Variants in FYCO1 observed in about 807,000 individuals in gnomAD.
FYCO1 encodes the protein FYVE and coiled-coil domain autophagy adaptor 1, also known as FYVE and coiled-coil domain-containing protein 1.
FYCO1 carries 122 observed loss-of-function variants against 165.1 expected under a neutral mutation model. The ratio of observed to expected loss-of-function variants is 0.74; its 90% confidence interval spans 0.64 to 0.86. The LOEUF (loss-of-function observed/expected upper bound fraction) is 0.86, where lower values mean the gene tolerates loss of function less well. FYCO1 is among the 40% of genes least tolerant of loss of function. The pLI is 0.00. For missense variants in FYCO1, 1,702 were observed against 1,810.3 expected, an observed-to-expected ratio of 0.94 and a Z score of 1.09; for synonymous variants, 648 against 742.5, an observed-to-expected ratio of 0.87 and a Z score of 2.07.
chr3:45,967,106 A>G lies in FYCO1; in HGVS notation c.2228T>C (p.Leu743Pro). The change falls in exon 8 of 18, where the codon CTG becomes CCG. Residue 743 changes from leucine to proline, a missense_variant. Transcript: ENST00000296137. The stretch of plus-strand genomic sequence containing the variant: ...TTTCTCTGCTGTGAGGACCTCAATC[A>G]GCTGGGTCTGCTGCTGGCACTGGCT... ...LESQCQQQTQ[L>P]IEVLTAEKGQ... is the part of the protein sequence containing the mutation. 6.2e-7 allele frequency: 1 copy of G among 1,613,870 alleles called. No homozygotes were observed. The highest frequency in any genetic ancestry group is 8.5e-7 in the Non-Finnish European group (1 of 1,179,934).
chr3:45,954,101 C>T (rs1705179975), intron 14 of FYCO1, among the ~76,000 whole-genome samples: 2 of 152,218 alleles, frequency 1.3e-5, no homozygotes, highest in African/African-American at 4.8e-5. Context: ...TCCTGGAACA[C>T]CTTCCTCTGA....
chr3:45,932,780 G>A (rs546156090), intron 15 of FYCO1, among the ~76,000 whole-genome samples: 4 of 152,278 alleles, frequency 2.6e-5, no homozygotes, highest in Non-Finnish European at 4.4e-5. Flanking sequence ...AATTCAATGC[G>A]ATACTTCTCC....
In FYCO1 at chr3:45,962,177, A is replaced by G; in HGVS notation, c.3437+48T>C. On this transcript the variant is annotated intron_variant, in intron 11 of 17. Coordinates refer to ENST00000296137, the MANE Select transcript of FYCO1 (RefSeq NM_024513.4). The surrounding 1 kb of genome is among the most constrained non-coding windows in gnomAD (Gnocchi z 4.4). ...AACAGCTGCATTTCTTTAGAGAAAA[A>G]CCCCAGTGTGGGGAAAACCCCAGCT... The G allele has an allele frequency of 6.3e-7, 1 of 1,596,730 alleles. No individual in the cohort carries two copies.
At position 45,921,819 on chromosome 3, in the gene FYCO1, A is replaced by C; in HGVS notation, c.4383T>G (p.Phe1461Leu). ...TFSRFVSKKV[F>L]YHLTVDRPVI... ...CAGGCCGATCAACCGTCAAGTGATA[A>C]AATACCTTTTTAGAGACAAACCTGA... is the stretch of plus-strand genomic sequence containing the variant. Residue 1461 changes from phenylalanine (F) to leucine (L), a missense_variant, in exon 18 of 18, where the codon TTT becomes TTG. Phe to Leu is a conservative substitution (Grantham distance 22, BLOSUM62 0). Coordinates refer to ENST00000296137, the MANE Select transcript of FYCO1 (RefSeq NM_024513.4). The C allele has an allele frequency of 6.2e-7, 1 of 1,612,670 alleles. No individual in the cohort carries two copies. Among genetic ancestry groups the C allele is most frequent in the Non-Finnish European group, 8.5e-7 (1 of 1,178,642 alleles).
intron 14 of FYCO1, chr3:45,947,421 G>A: frequency 6.2e-7 from 1 of 1,614,212 alleles, no homozygotes; most frequent in Non-Finnish European, 8.5e-7. Flanking sequence ...TTACCTTGGG[G>A]TCTCACATCA....
rs755874429 is a variant in FYCO1 at position 45,920,967 on chromosome 3, T to A, written c.*798A>T. 5 of 153,952 alleles carry A rather than the reference T, an allele frequency of 3.2e-5. No homozygotes were observed. The highest frequency in any genetic ancestry group is 7.2e-5 in the Non-Finnish European group (5 of 69,014). 9.5% of individuals were successfully genotyped at this position (153,952 alleles called of 1,614,324 possible). ...GCTGGCATTTGGGCATTAGATGTAG[T>A]GTACACACAGCCATTGCAGGCCCCA... On this transcript the variant is annotated 3_prime_UTR_variant, in exon 18 of 18. Coordinates refer to ENST00000296137, the MANE Select transcript of FYCO1 (RefSeq NM_024513.4).
chr3:45,971,987 A>G (rs1439707103), intron 6 of FYCO1, among the ~76,000 whole-genome samples: 2 of 152,238 alleles, frequency 1.3e-5, no homozygotes, highest in African/African-American at 4.8e-5. Flanking sequence ...TCAAGTCTGT[A>G]ATTTACTCTC....
intron 3 of FYCO1, among the ~76,000 whole-genome samples, chr3:45,980,829 G>GA (rs1286622942): frequency 1.3e-5 from 2 of 152,072 alleles, no homozygotes; most frequent in Non-Finnish European, 1.5e-5. Flanking sequence ...CACAAAAATA[G>GA]AAAAAAATTT....
chr3:45,971,394 A>G (rs1706434251), intron 6 of FYCO1, among the ~76,000 whole-genome samples: 1 of 152,248 alleles, frequency 6.6e-6, no homozygotes, highest in Non-Finnish European at 1.5e-5. Flanking sequence ...AAGAGAAAAA[A>G]GGATAATAAT....
rs535763347 is a variant in FYCO1 at position 45,975,988 on chromosome 3, C to T, written c.289-643G>A. ...TCAGTAAAATCTACAAGTCTGCCAA[C>T]GCTTTCCTGGTTGGATTTCCTGTTC... On this transcript the variant is annotated intron_variant, in intron 4 of 17. Coordinates refer to ENST00000296137, the MANE Select transcript of FYCO1 (RefSeq NM_024513.4). 2.4e-3 allele frequency among the ~76,000 whole-genome samples: 368 copies of T among 152,350 alleles called. 2 individuals are homozygous for T. Among genetic ancestry groups the T allele is most frequent in the African/African-American group, 8.1e-3 (336 of 41,578 alleles).
chr3:45,964,227 G>A lies in FYCO1; in HGVS notation c.3269+109C>T. On this transcript the variant is annotated intron_variant, in intron 10 of 17. Coordinates refer to ENST00000296137, the MANE Select transcript of FYCO1 (RefSeq NM_024513.4). This position sits in a 1 kb window ranked among gnomAD's most constrained non-coding sequence, Gnocchi z 4.1. ...ACTTTCTGAGTTTGTGGCTTTTCTTGCAAAAGGACTTCCTAAACCTAATAT... is the reference window on the plus strand; with the variant it reads ...ACTTTCTGAGTTTGTGGCTTTTCTTACAAAAGGACTTCCTAAACCTAATAT... The A allele has an allele frequency of 1.1e-6, 1 of 926,650 alleles. No homozygotes were observed. Among genetic ancestry groups the A allele is most frequent in the East Asian group, 2.5e-5 (1 of 40,814 alleles). The allele number at this position is 926,650 out of a possible 1,614,324, so 57.4% of individuals were successfully genotyped here. A position where few individuals can be genotyped will look rare whatever the true frequency, so the allele number is the denominator to read the frequency against.
At chr3:45,968,806 T>C in intron 7 of FYCO1, 103 bp from the exon 8 acceptor site, 1 of 1,328,860 alleles carries the variant, frequency 7.5e-7, no homozygotes, top group African/African-American at 1.4e-5. Context: ...AATACAGGCA[T>C]TACCTGCCCT....
chr3:45,955,123 A>C, intron 14 of FYCO1, 126 bp downstream of exon 14: 1 of 1,137,322 alleles, frequency 8.8e-7, no homozygotes, highest in Non-Finnish European at 1.3e-6. Context: ...CATCGCAAGC[A>C]CTGTTCCCTT....
rs181518477 is a variant in FYCO1, at chr3:45,971,483, G to A, written c.539+1605C>T. Among the ~76,000 whole-genome samples, 195 of 152,318 alleles carry A rather than the reference G, an allele frequency of 1.3e-3. 1 individual carries two copies. Among genetic ancestry groups the A allele is most frequent in the Middle Eastern group, 0.01 (3 of 294 alleles). ...AGTAACTTTTGGAGAAACTTGGCAA[G>A]CACCGCCTTACCCAAATGACCAGGG... On this transcript the variant is annotated intron_variant, in intron 6 of 17. Transcript: ENST00000296137.
chr3:45,964,718 T>A lies in FYCO1; in HGVS notation c.3151-264A>T. 4.7e-6 allele frequency: 1 copy of A among 211,062 alleles called. No homozygotes were observed. The highest frequency in any genetic ancestry group is 8.2e-6 in the Non-Finnish European group (1 of 121,824). The allele number at this position is 211,062 out of a possible 1,614,324, so 13.1% of individuals were successfully genotyped here. A position where few individuals can be genotyped will look rare whatever the true frequency, so the allele number is the denominator to read the frequency against. ...GGGGTGGCAGGGAGCAGGATTCACC[T>A]GAACAAGTCACTGCTCTGAAGACTG... On this transcript the variant is annotated intron_variant, in intron 9 of 17. Transcript: ENST00000296137. This position sits in a 1 kb window ranked among gnomAD's most constrained non-coding sequence, Gnocchi z 4.1.
chr3:45,955,133 T>C, intron 14 of FYCO1, 116 bp downstream of exon 14: 2 of 1,250,332 alleles, frequency 1.6e-6, no homozygotes, highest in Admixed American at 1.7e-5. Context: ...ACTGTTCCCT[T>C]AGGCAAGGAC....
chr3:45,929,452 C>G (rs13099120), intron 16 of FYCO1, among the ~76,000 whole-genome samples: 13,530 of 152,250 alleles, frequency 0.089, 1,010 homozygotes, highest in South Asian at 0.35. Flanking sequence ...GATTTCGTCC[C>G]TTCCCTCCCT....
intron 14 of FYCO1, among the ~76,000 whole-genome samples, chr3:45,942,744 C>T (rs961021366): frequency 1.3e-5 from 2 of 152,208 alleles, no homozygotes; most frequent in African/African-American, 4.8e-5. Flanking sequence ...AAGTAGTCAA[C>T]ATCTGGGGAA....
intron 16 of FYCO1, among the ~76,000 whole-genome samples, chr3:45,925,226 C>T (rs951008247): frequency 1.3e-5 from 2 of 148,362 alleles, no homozygotes; most frequent in African/African-American, 2.5e-5. Flanking sequence ...CGGCGCCCAG[C>T]CCTTACATTT....
Sources: gnomAD v4.1 joint callset for allele counts (sites outside exome capture counted in the v4.1 genomes callset) on GRCh38, gnomAD v4.1.1 for gene constraint, Gnocchi (gnomAD v3.1) non-coding constraint, MANE v1.5 for transcripts, NCBI Gene and HGNC (gene_info 2026-07-23, HGNC 2026-07-21) for gene names.